GPC5: variants seen among roughly 807,000 people sequenced by gnomAD.
GPC5 encodes the protein glypican-5.
GPC5 carries 47 observed loss-of-function variants against 53.9 expected under a neutral mutation model. That is an observed-to-expected ratio of 0.87 (90% CI 0.69 to 1.11). The LOEUF is 1.11. GPC5 is among the 50% of genes most tolerant of loss of function. The pLI, the probability that GPC5 is intolerant of heterozygous loss-of-function variation, is 0.00. For synonymous variants in GPC5, 286 were observed against 263.3 expected, an observed-to-expected ratio of 1.09 and a Z score of -0.84; for missense variants, 748 against 713.1, an observed-to-expected ratio of 1.05 and a Z score of -0.56.
At chr13:91,586,990 CAG>C (rs1163138692) in intron 2 of GPC5, among the ~76,000 whole-genome samples, 1 of 152,000 alleles carries the variant, frequency 6.6e-6, no homozygotes, top group African/African-American at 2.4e-5. Context: ...TAACAAAAAT[CAG>C]AATTATGAGC....
At chr13:91,887,283 A>G (rs1283063586) in intron 5 of GPC5, among the ~76,000 whole-genome samples, 2 of 152,102 alleles carry the variant, frequency 1.3e-5, no homozygotes, top group Non-Finnish European at 2.9e-5. Context: ...GAGCGGCTGC[A>G]ATGCAGGGCA....
At chr13:91,941,977 C>A (rs145520963) in intron 6 of GPC5, among the ~76,000 whole-genome samples, 1 of 152,042 alleles carries the variant, frequency 6.6e-6, no homozygotes, top group Non-Finnish European at 1.5e-5. Flanking sequence ...GAAATGATCA[C>A]CACACTCAAG....
intron 7 of GPC5, among the ~76,000 whole-genome samples, chr13:92,459,856 G>T (rs1419826564): frequency 1.3e-5 from 2 of 151,608 alleles, no homozygotes; most frequent in Non-Finnish European, 2.9e-5. Flanking sequence ...TCTAACTTTA[G>T]CTTTTTTAAA....
chr13:92,804,738 A>G (rs1396848317), intron 7 of GPC5, among the ~76,000 whole-genome samples: 1 of 152,050 alleles, frequency 6.6e-6, no homozygotes, highest in Non-Finnish European at 1.5e-5. Flanking sequence ...TCTCTACAGC[A>G]TATGGTGCTG....
chr13:92,801,597 A>G (rs1377895782), intron 7 of GPC5, among the ~76,000 whole-genome samples: 1 of 151,598 alleles, frequency 6.6e-6, no homozygotes, highest in African/African-American at 2.4e-5. Context: ...AGAAGAGGGC[A>G]TTGTTATTAT....
At chr13:91,528,774 A>T (rs910367650) in intron 2 of GPC5, among the ~76,000 whole-genome samples, 1 of 152,214 alleles carries the variant, frequency 6.6e-6, no homozygotes, top group African/African-American at 2.4e-5. Flanking sequence ...GGGAGGCCTC[A>T]GGAAACTTAC....
chr13:91,814,919 G>A (rs2038377126), intron 5 of GPC5, among the ~76,000 whole-genome samples: 1 of 152,154 alleles, frequency 6.6e-6, no homozygotes, highest in Admixed American at 6.6e-5. Flanking sequence ...ATGCCATTTG[G>A]AATATTTCAA....
At position 92,752,500 on chromosome 13, in the gene GPC5, T is replaced by C. The variant is rs145359675; in HGVS notation, c.1562-113782T>C. On this transcript the variant is annotated intron_variant, in intron 7 of 7. Transcript: ENST00000377067. ...GGGGGGAGGAGCCAAGATGGCCGAATAGGAATAGCTCCGGTCTACAGCTCC... is the reference window on the plus strand; with the variant it reads ...GGGGGGAGGAGCCAAGATGGCCGAACAGGAATAGCTCCGGTCTACAGCTCC... Among the ~76,000 whole-genome samples the C allele has an allele frequency of 2.0e-3, 311 of 152,242 alleles. 1 individual carries two copies. The highest frequency in any genetic ancestry group is 7.3e-3 in the African/African-American group (303 of 41,544).
rs1308296339 is a variant in GPC5 at position 91,571,815 on chromosome 13, G to A, written c.326-121372G>A. 4.4e-5 allele frequency among the ~76,000 whole-genome samples: 4 copies of A among 91,710 alleles called. 1 individual carries two copies. Among genetic ancestry groups the A allele is most frequent in the East Asian group, 3.3e-4 (1 of 3,024 alleles). 60.2% of individuals were successfully genotyped at this position (91,710 alleles called of 152,430 possible). Reference sequence around the variant, plus strand: ...TGTGTGTATATATACACACACATACGTGTGTGTATATATACACATATACTT... The same window carrying A: ...TGTGTGTATATATACACACACATACATGTGTGTATATATACACATATACTT... On this transcript the variant is annotated intron_variant, in intron 2 of 7. Transcript: ENST00000377067.
At chr13:92,311,274 C>G (rs2043143308) in intron 7 of GPC5, among the ~76,000 whole-genome samples, 1 of 152,180 alleles carries the variant, frequency 6.6e-6, no homozygotes, top group Admixed American at 6.5e-5. Flanking sequence ...TGTGCAGGAA[C>G]TCTCCTGGCC....
rs144579635 is a variant in GPC5, at chr13:91,508,452, G to A, written c.325+59530G>A. Among the ~76,000 whole-genome samples, 100 of 152,282 alleles carry A rather than the reference G, an allele frequency of 6.6e-4. 1 individual carries two copies. Among genetic ancestry groups the A allele is most frequent in the African/African-American group, 2.2e-3 (93 of 41,562 alleles). On this transcript the variant is annotated intron_variant, in intron 2 of 7. Transcript: ENST00000377067. ...GGCATTGTACTGGAAATTATGCCAT[G>A]TGAAGACTGGCTGAAGTAGGGGTAT... is the stretch of plus-strand genomic sequence containing the variant.
chr13:92,723,759 G>A (rs1050632907), intron 7 of GPC5, among the ~76,000 whole-genome samples: 3 of 151,638 alleles, frequency 2.0e-5, no homozygotes, highest in Non-Finnish European at 3.0e-5. Flanking sequence ...GAAACTACTT[G>A]AGGAAGTTAC....
At position 91,571,839 on chromosome 13, in the gene GPC5, T is replaced by TGTGTGTATATATACACATATACG. The variant is rs1555325833; in HGVS notation, c.326-121348_326-121347insGTGTGTATATATACACATATACG. ...CGTGTGTGTATATATACACATATAC[T>TGTGTGTATATATACACATATACG]TGTGTGTATATACACATATACGTGT... On this transcript the variant is annotated intron_variant, in intron 2 of 7. Coordinates refer to ENST00000377067, the MANE Select transcript of GPC5 (RefSeq NM_004466.6). 9.3e-4 allele frequency among the ~76,000 whole-genome samples: 85 copies of TGTGTGTATATATACACATATACG among 91,130 alleles called. 11 individuals carry two copies. Among genetic ancestry groups the TGTGTGTATATATACACATATACG allele is most frequent in the Non-Finnish European group, 2.8e-4 (15 of 52,692 alleles). The allele number at this position is 91,130 out of a possible 152,430, so 59.8% of individuals were successfully genotyped here.
At chr13:92,240,447 G>T (rs571904204) in intron 7 of GPC5, 2 of 152,008 alleles carry the variant, frequency 1.3e-5, no homozygotes, top group African/African-American at 2.4e-5. Flanking sequence ...CACAGTTAAA[G>T]AATCTGTTAA....
At chr13:91,841,805 C>A (rs2038790997) in intron 5 of GPC5, among the ~76,000 whole-genome samples, 1 of 152,142 alleles carries the variant, frequency 6.6e-6, no homozygotes, top group South Asian at 2.1e-4. Flanking sequence ...ACAAGTACAA[C>A]TGACAAACTA....
intron 5 of GPC5, among the ~76,000 whole-genome samples, chr13:91,795,274 A>G (rs2038028740): frequency 6.6e-6 from 1 of 152,178 alleles, no homozygotes; most frequent in African/African-American, 2.4e-5. Context: ...ATTGGTTCAT[A>G]GTTTTTATTT....
At chr13:92,863,845 C>G (rs1766814324) in intron 7 of GPC5, among the ~76,000 whole-genome samples, 1 of 152,110 alleles carries the variant, frequency 6.6e-6, no homozygotes, top group Non-Finnish European at 1.5e-5. Flanking sequence ...AATAATATTT[C>G]CTTCATTTTT....
intron 5 of GPC5, among the ~76,000 whole-genome samples, chr13:91,854,271 A>C (rs1954019865): frequency 6.6e-6 from 1 of 151,876 alleles, no homozygotes; most frequent in Non-Finnish European, 1.5e-5. Flanking sequence ...GTGGGTACAT[A>C]ATAGGTATAC....
At chr13:92,264,930 A>C (rs1291494608) in intron 7 of GPC5, among the ~76,000 whole-genome samples, 1 of 125,438 alleles carries the variant, frequency 8.0e-6, no homozygotes, top group African/African-American at 3.0e-5. Context: ...GTGTGTTGCA[A>C]CTCCATTGCA....
Sources: gnomAD v4.1 joint callset for allele counts (sites outside exome capture counted in the v4.1 genomes callset) on GRCh38, gnomAD v4.1.1 for gene constraint, MANE v1.5 for transcripts, NCBI Gene and HGNC (gene_info 2026-07-23, HGNC 2026-07-21) for gene names.